PHF6: variants seen among roughly 807,000 people sequenced by gnomAD.
PHF6 encodes PHD-like zinc finger protein.
In PHF6, 7 loss-of-function variants were observed where a neutral mutation model predicts 34.0. That is an observed-to-expected ratio of 0.21 (90% confidence interval 0.12 to 0.39). The LOEUF (loss-of-function observed/expected upper bound fraction) is 0.39, where lower values mean the gene tolerates loss of function less well. PHF6 is among the 10% of genes least tolerant of loss of function. The pLI, the probability that PHF6 is intolerant of heterozygous loss-of-function variation, is 1.00. For missense variants in PHF6, 128 were observed against 262.8 expected, an observed-to-expected ratio of 0.49 and a Z score of 3.55; for synonymous variants, 89 against 88.4, an observed-to-expected ratio of 1.01 and a Z score of -0.04.
At chrX:134,398,142 C>T (rs1031345425) in intron 5 of PHF6, among the ~76,000 whole-genome samples, 2 of 111,782 alleles carry the variant, frequency 1.8e-5, no homozygotes, top group Non-Finnish European at 1.9e-5. Context: ...CCTGTAATCC[C>T]AGCATTTTGG....
intron 5 of PHF6, among the ~76,000 whole-genome samples, chrX:134,406,984 T>C (rs2077427857): frequency 1.8e-5 from 2 of 112,177 alleles, no homozygotes; most frequent in Admixed American, 9.5e-5. Flanking sequence ...AACTGTTCTT[T>C]TTCTAACATC....
Position 134,409,010 on chromosome X carries a change from G to A in PHF6, c.419-4481G>A, listed in dbSNP as rs1022787467. On this transcript the variant is annotated intron_variant, in intron 5 of 10. Coordinates refer to ENST00000370803, the MANE Select transcript of PHF6 (RefSeq NM_001015877.2). ...ATTACAGGCCTGAGCTACCGCACCG[G>A]CCCCAATTTATTTCTTTTAACTTAG... is the stretch of plus-strand genomic sequence containing the variant. 1.2e-4 allele frequency among the ~76,000 whole-genome samples: 13 copies of A among 112,029 alleles called. No individual in the cohort carries two copies. The East Asian group carries it at 3.1e-3, about 26-fold the overall frequency.
At chrX:134,417,626 G>A (rs975268579) in intron 9 of PHF6, 6 of 168,046 alleles carry the variant, frequency 3.6e-5, no homozygotes, top group Non-Finnish European at 6.7e-5. Flanking sequence ...TTGGGAGGCC[G>A]AGGCGGGTGA....
intron 9 of PHF6, chrX:134,417,688 C>T (rs1263298139): frequency 1.6e-5 from 2 of 127,706 alleles, no homozygotes; most frequent in Non-Finnish European, 3.1e-5. Context: ...GGTGAAACCC[C>T]GTCTCTACTA....
At position 134,413,474 on chromosome X, in the gene PHF6, T is replaced by C. The variant is rs746975710; in HGVS notation, c.419-17T>C. 3.3e-6 allele frequency: 4 copies of C among 1,207,298 alleles called. No individual in the cohort carries two copies. The South Asian group carries it at 7.1e-5, about 21-fold the overall frequency. ...TTGAGATTGGTCCATAAAAAGTTTT[T>C]GTTCATTTTTAAGCAGCTGATTTAG... On this transcript the variant is annotated splice_polypyrimidine_tract_variant and intron_variant, in intron 5 of 10. Coordinates refer to ENST00000370803, the MANE Select transcript of PHF6 (RefSeq NM_001015877.2).
At chrX:134,416,572 A>G (rs1310464885) in intron 8 of PHF6, among the ~76,000 whole-genome samples, 1 of 111,562 alleles carries the variant, frequency 9.0e-6, no homozygotes, top group African/African-American at 3.3e-5. Flanking sequence ...CCTTGGAGAA[A>G]AGGCTGTGAG....
At chrX:134,377,105 G>C (rs2077280726) in intron 1 of PHF6, among the ~76,000 whole-genome samples, 1 of 111,026 alleles carries the variant, frequency 9.0e-6, no homozygotes, top group Admixed American at 9.6e-5. Flanking sequence ...ATGCCAGCAG[G>C]GGATAATTTA....
At chrX:134,396,286 CTG>C (rs971969191) in intron 5 of PHF6, among the ~76,000 whole-genome samples, 6 of 111,455 alleles carry the variant, frequency 5.4e-5, no homozygotes, top group Non-Finnish European at 1.1e-4. Flanking sequence ...TATGAGCACA[CTG>C]AGACAGGATA....
chrX:134,385,981 A>T (rs1011387342), intron 3 of PHF6, among the ~76,000 whole-genome samples: 1 of 111,871 alleles, frequency 8.9e-6, no homozygotes, highest in Non-Finnish European at 1.9e-5. Flanking sequence ...GTTTAACCTT[A>T]GAAGTATTTA....
chrX:134,392,992 G>A (rs112056926), intron 3 of PHF6, among the ~76,000 whole-genome samples: 116 of 111,197 alleles, frequency 1.0e-3, no homozygotes, highest in African/African-American at 3.6e-3. Flanking sequence ...TAGAGATGGG[G>A]TTTCACCATA....
chrX:134,411,454 G>T (rs2077450323), intron 5 of PHF6, among the ~76,000 whole-genome samples: 1 of 110,186 alleles, frequency 9.1e-6, no homozygotes, highest in Non-Finnish European at 1.9e-5. Context: ...AATTTTTATA[G>T]ATGTTTAATA....
In PHF6 at chrX:134,402,690, C is replaced by T. The variant is rs746242597; in HGVS notation, c.418+8738C>T. The stretch of plus-strand genomic sequence containing the variant: ...TTGCACTTCAGTTTATTGTGCTTCA[C>T]AGATAACTGCATTTTTTACAAATTG... On this transcript the variant is annotated intron_variant, in intron 5 of 10. Transcript: ENST00000370803. 1.4e-4 allele frequency among the ~76,000 whole-genome samples: 16 copies of T among 112,432 alleles called. No individual in the cohort carries two copies. In the East Asian group the frequency reaches 4.2e-3, roughly 29 times the overall value.
At chrX:134,374,255 T>C (rs2077269140) in intron 1 of PHF6, among the ~76,000 whole-genome samples, 1 of 112,077 alleles carries the variant, frequency 8.9e-6, no homozygotes. Context: ...AAAAAATCTT[T>C]TGTTTTTAGA....
intron 9 of PHF6, among the ~76,000 whole-genome samples, chrX:134,423,197 T>C (rs975910324): frequency 3.6e-5 from 4 of 112,101 alleles, no homozygotes; most frequent in Non-Finnish European, 5.6e-5. Flanking sequence ...ATTTGCCCAG[T>C]TGTATAAAAA....
chrX:134,425,126 C>T (rs1360797257), intron 9 of PHF6, 75 bp from the exon 10 acceptor site: 1 of 1,146,039 alleles, frequency 8.7e-7, no homozygotes, highest in Non-Finnish European at 1.2e-6. Flanking sequence ...GCACTAGCCT[C>T]ATCCACTAAT....
intron 3 of PHF6, among the ~76,000 whole-genome samples, chrX:134,393,010 G>A (rs1356680537): frequency 9.0e-6 from 1 of 111,468 alleles, no homozygotes; most frequent in Non-Finnish European, 1.9e-5. Context: ...ATATTGGCCA[G>A]GCTGGTCTCA....
chrX:134,380,102 C>T (rs2077300060), intron 3 of PHF6, among the ~76,000 whole-genome samples: 1 of 109,933 alleles, frequency 9.1e-6, no homozygotes, highest in African/African-American at 3.3e-5. Context: ...CAACAGCATA[C>T]ATCTGTCAAT....
chrX:134,405,804 G>A (rs1300812722), intron 5 of PHF6, among the ~76,000 whole-genome samples: 2 of 88,218 alleles, frequency 2.3e-5, no homozygotes, highest in Non-Finnish European at 4.2e-5. Flanking sequence ...GCATGTGTAT[G>A]TATATATATA....
At chrX:134,375,290 G>GA (rs751434842) in intron 1 of PHF6, among the ~76,000 whole-genome samples, 27 of 111,515 alleles carry the variant, frequency 2.4e-4, no homozygotes, top group Non-Finnish European at 5.1e-4. Flanking sequence ...GCTGATTACA[G>GA]AAAAAATACA....
Sources: gnomAD v4.1 joint callset for allele counts (sites outside exome capture counted in the v4.1 genomes callset) on GRCh38, gnomAD v4.1.1 for gene constraint, MANE v1.5 for transcripts, NCBI Gene and HGNC (gene_info 2026-07-23, HGNC 2026-07-21) for gene names.